Variants in DMBX1 observed in about 807,000 individuals in gnomAD.
The protein encoded by DMBX1 is diencephalon/mesencephalon homeobox 1, also known as diencephalon/mesencephalon homeobox protein 1.
Under a neutral mutation model 30.4 loss-of-function variants are expected in DMBX1, and 7 were observed. That is an observed-to-expected ratio of 0.23 (90% confidence interval 0.13 to 0.43). The LOEUF (loss-of-function observed/expected upper bound fraction) is 0.43, where lower values mean the gene tolerates loss of function less well. DMBX1 is among the 20% of genes least tolerant of loss of function. The probability of loss-of-function intolerance (pLI) is 1.00; values close to 1 mark genes in which losing one functional copy is unlikely to be tolerated. For missense variants in DMBX1, 460 were observed against 508.5 expected (o/e 0.90, Z 0.92); for synonymous variants, 222 against 214.2 (o/e 1.04, Z -0.32).
In DMBX1 at chr1:46,514,096, C is replaced by T. The variant is rs1201506147; in HGVS notation, c.*1602C>T. The T allele has an allele frequency of 6.6e-6, 1 of 152,136 alleles. No individual in the cohort carries two copies. The highest frequency in any genetic ancestry group is 1.5e-5 in the Non-Finnish European group (1 of 68,078). The allele number at this position is 152,136 out of a possible 1,614,324, so 9.4% of individuals were successfully genotyped here. Reference sequence around the variant, plus strand: ...GGCGTGGTGGCACATGCCTGTAATCCCAGCTACTTGGGAGGCTGAGTTGGG... The same window carrying T: ...GGCGTGGTGGCACATGCCTGTAATCTCAGCTACTTGGGAGGCTGAGTTGGG... On this transcript the variant is annotated 3_prime_UTR_variant, in exon 6 of 6. Coordinates refer to ENST00000360032, the MANE Select transcript of DMBX1 (RefSeq NM_172225.2).
chr1:46,501,503 G>C (rs186534433), intron 2 of DMBX1, among the ~76,000 whole-genome samples: 124 of 151,754 alleles, frequency 8.2e-4, no homozygotes, highest in Non-Finnish European at 1.2e-3. Flanking sequence ...GGCTGGTCTC[G>C]AACACTGACC....
chr1:46,498,362 A>G (rs556935395), intron 2 of DMBX1, among the ~76,000 whole-genome samples: 12 of 152,278 alleles, frequency 7.9e-5, no homozygotes, highest in Non-Finnish European at 1.2e-4. Context: ...AACATTTACT[A>G]TTTACTAAGC....
Position 46,493,684 on chromosome 1 carries a change from A to C in DMBX1, c.-13+2901A>C, listed in dbSNP as rs1419774393. Among the ~76,000 whole-genome samples the C allele has an allele frequency of 6.6e-6, 1 of 152,226 alleles. No individual in the cohort carries two copies. The highest frequency in any genetic ancestry group is 2.4e-5 in the African/African-American group (1 of 41,450). On this transcript the variant is annotated intron_variant, in intron 2 of 5. Transcript: ENST00000360032. The surrounding 1 kb of genome is among the most constrained non-coding windows in gnomAD (Gnocchi z 4.1). ...CGCTGCTTCCATGAGCCCCGAGGCC[A>C]CTGGAGCCCACTGGGTTTCCCGGCC...
At chr1:46,498,687 T>C (rs558131023) in intron 2 of DMBX1, among the ~76,000 whole-genome samples, 81 of 152,284 alleles carry the variant, frequency 5.3e-4, no homozygotes, top group African/African-American at 1.9e-3. Context: ...TAGCCAGATA[T>C]ACGCATAAAC....
chr1:46,513,594 C>G lies in DMBX1; in HGVS notation c.*1100C>G, dbSNP rs1295931936. ...GGACTGACCACAGGGCTCTAGAGCTCTCTTTGGTGAGACTTCCCTGGATGG... is the reference window on the plus strand; with the variant it reads ...GGACTGACCACAGGGCTCTAGAGCTGTCTTTGGTGAGACTTCCCTGGATGG... On this transcript the variant is annotated 3_prime_UTR_variant, in exon 6 of 6. Transcript: ENST00000360032. 5.9e-5 allele frequency: 9 copies of G among 152,254 alleles called. No individual in the cohort carries two copies. The highest frequency in any genetic ancestry group is 1.3e-4 in the Non-Finnish European group (9 of 68,070). The allele number at this position is 152,254 out of a possible 1,614,324, so 9.4% of individuals were successfully genotyped here.
intron 2 of DMBX1, among the ~76,000 whole-genome samples, chr1:46,506,092 C>T (rs1286497984): frequency 6.6e-6 from 1 of 152,166 alleles, no homozygotes; most frequent in Admixed American, 6.5e-5. Flanking sequence ...GGGTCTCGCT[C>T]TGTCGCCCAG....
intron 2 of DMBX1, among the ~76,000 whole-genome samples, chr1:46,500,103 G>C (rs557668722): frequency 6.6e-6 from 1 of 152,232 alleles, no homozygotes; most frequent in South Asian, 2.1e-4. Flanking sequence ...GTTTCAGGTA[G>C]AGGGCCCAGC....
At position 46,506,094 on chromosome 1, in the gene DMBX1, G is replaced by A. The variant is rs184403766; in HGVS notation, c.-12-905G>A. Reference sequence around the variant, plus strand: ...ATTTTTGGAGACAGGGTCTCGCTCTGTCGCCCAGGCTGGAGTGCAGTGGTG... The same window carrying A: ...ATTTTTGGAGACAGGGTCTCGCTCTATCGCCCAGGCTGGAGTGCAGTGGTG... On this transcript the variant is annotated intron_variant, in intron 2 of 5. Coordinates refer to ENST00000360032, the MANE Select transcript of DMBX1 (RefSeq NM_172225.2). Among the ~76,000 whole-genome samples, 497 of 151,904 alleles carry A rather than the reference G, an allele frequency of 3.3e-3. 3 individuals carry two copies. The highest frequency in any genetic ancestry group is 0.011 in the East Asian group (59 of 5,174).
At position 46,510,422 on chromosome 1, in the gene DMBX1, C is replaced by T. The variant is rs750643078; in HGVS notation, c.155-54C>T. 1 of 1,582,202 alleles carries T rather than the reference C, an allele frequency of 6.3e-7. No homozygotes were observed. On this transcript the variant is annotated intron_variant, in intron 3 of 5. Coordinates refer to ENST00000360032, the MANE Select transcript of DMBX1 (RefSeq NM_172225.2). The surrounding 1 kb of genome is among the most constrained non-coding windows in gnomAD (Gnocchi z 4.1). ...AGCAGGATAAGATTCAAAGCTATTT[C>T]CCATAATTAAATGGGCCCCCTCTCC...
chr1:46,495,611 T>C (rs773474493), intron 2 of DMBX1, among the ~76,000 whole-genome samples: 1 of 152,174 alleles, frequency 6.6e-6, no homozygotes. Context: ...GCAACTACAA[T>C]TTGGTAAGGA....
Position 46,512,656 on chromosome 1 carries a change from C to A in DMBX1, c.*162C>A. ...CCCCATACCCCAGCCCGAGGTGAAG[C>A]CCACACCTACACACCCTCTGCATGG... is the stretch of plus-strand genomic sequence containing the variant. On this transcript the variant is annotated 3_prime_UTR_variant, in exon 6 of 6. Transcript: ENST00000360032. This position sits in a 1 kb window ranked among gnomAD's most constrained non-coding sequence, Gnocchi z 4.8. The A allele has an allele frequency of 5.3e-6, 4 of 760,874 alleles. No homozygotes were observed. Among genetic ancestry groups the A allele is most frequent in the Non-Finnish European group, 8.3e-6 (4 of 484,378 alleles). The allele number at this position is 760,874 out of a possible 1,614,324, so 47.1% of individuals were successfully genotyped here.
Position 46,516,100 on chromosome 1 carries a change from C to T in DMBX1, c.*3606C>T, listed in dbSNP as rs1216234736. Among the ~76,000 whole-genome samples, 1 of 152,352 alleles carries T rather than the reference C, an allele frequency of 6.6e-6. No individual in the cohort carries two copies. The highest frequency in any genetic ancestry group is 2.1e-4 in the South Asian group (1 of 4,824). ...ACCCCTGCCTGTCCCCTCGCCTGCCCCCTGTGTAGTGCTGCATGACACTCT... is the reference window on the plus strand; with the variant it reads ...ACCCCTGCCTGTCCCCTCGCCTGCCTCCTGTGTAGTGCTGCATGACACTCT... On this transcript the variant is annotated 3_prime_UTR_variant, in exon 6 of 6. Transcript: ENST00000360032.
intron 2 of DMBX1, among the ~76,000 whole-genome samples, chr1:46,500,958 G>T (rs966490168): frequency 6.6e-6 from 1 of 152,124 alleles, no homozygotes; most frequent in Non-Finnish European, 1.5e-5. Context: ...TACGTTTCTA[G>T]AAATGGAATC....
At chr1:46,492,221 G>C (rs1450236932) in intron 2 of DMBX1, among the ~76,000 whole-genome samples, 1 of 152,224 alleles carries the variant, frequency 6.6e-6, no homozygotes, top group Non-Finnish European at 1.5e-5. Flanking sequence ...GTGGGCTTAC[G>C]GGTCAGCTTC....
At chr1:46,492,957 G>A (rs1013386757) in intron 2 of DMBX1, among the ~76,000 whole-genome samples, 6 of 151,904 alleles carry the variant, frequency 3.9e-5, no homozygotes, top group South Asian at 2.1e-4. Flanking sequence ...GGGAGGGTGC[G>A]TCTACATTTT....
chr1:46,514,662 G>A lies in DMBX1; in HGVS notation c.*2168G>A, dbSNP rs1666456953. 6.6e-6 allele frequency among the ~76,000 whole-genome samples: 1 copy of A among 152,144 alleles called. No homozygotes were observed. The highest frequency in any genetic ancestry group is 6.5e-5 in the Admixed American group (1 of 15,268). ...TGGTCATGCTCCCCAACTCTTGGTG[G>A]CTCACCACTGAACACTCCAAACCCT... On this transcript the variant is annotated 3_prime_UTR_variant, in exon 6 of 6. Transcript: ENST00000360032.
intron 2 of DMBX1, among the ~76,000 whole-genome samples, chr1:46,501,201 C>G (rs1034934625): frequency 5.6e-5 from 4 of 71,158 alleles, no homozygotes; most frequent in Admixed American, 5.3e-4. Flanking sequence ...TCCCTTCCTT[C>G]CTTCCTTCCT....
chr1:46,507,296 G>A lies in DMBX1; in HGVS notation c.154+132G>A, dbSNP rs1569893357. On this transcript the variant is annotated intron_variant, in intron 3 of 5. Transcript: ENST00000360032. Reference sequence around the variant, plus strand: ...GGCTCAAAAAGACTCAGGTCACTTAGCAACACAGAGAGATGTCAATTCAAA... The same window carrying A: ...GGCTCAAAAAGACTCAGGTCACTTAACAACACAGAGAGATGTCAATTCAAA... 9 of 1,170,786 alleles carry A rather than the reference G, an allele frequency of 7.7e-6. No homozygotes were observed. In the East Asian group the frequency reaches 2.0e-4, roughly 27 times the overall value. 72.5% of individuals were successfully genotyped at this position (1,170,786 alleles called of 1,614,324 possible).
rs372496884 is a variant in DMBX1 at position 46,511,042 on chromosome 1, G to A, written c.441G>A (p.Lys147=). ...KEAEGSHGEG[K]AEAPTPDTQL... is the part of the protein sequence containing the mutation. ...CTGAGGGCTCCCATGGGGAAGGCAA[G>A]GCCGAGGCCCCCACTCCAGATACCC... is the stretch of plus-strand genomic sequence containing the variant. Residue 147 remains lysine, a synonymous_variant, in exon 5 of 6, where the codon AAG becomes AAA. Transcript: ENST00000360032. 53 of 1,614,018 alleles carry A rather than the reference G, an allele frequency of 3.3e-5. No homozygotes were observed. Among genetic ancestry groups the A allele is most frequent in the African/African-American group, 9.3e-5 (7 of 74,922 alleles).
Sources: allele counts gnomAD v4.1 joint callset (sites outside exome capture counted in the v4.1 genomes callset), GRCh38; gene constraint gnomAD v4.1.1; non-coding constraint Gnocchi (gnomAD v3.1); transcripts MANE v1.5; gene names NCBI Gene and HGNC (gene_info 2026-07-23, HGNC 2026-07-21).